The following TRPV1 variants were observed in gnomAD, a reference collection of about 807,000 sequenced individuals.
TRPV1 encodes OTRPC1.
TRPV1 carries 82 observed loss-of-function variants against 82.3 expected under a neutral mutation model. That is an observed-to-expected ratio of 1.00 (90% CI 0.83 to 1.20). The LOEUF (loss-of-function observed/expected upper bound fraction) is 1.20, where lower values mean the gene tolerates loss of function less well. Ranked by LOEUF, TRPV1 falls within the 50% of genes most tolerant of loss-of-function variation. TRPV1 has a pLI of 0.00. For missense variants in TRPV1, 1,067 were observed against 1,096.8 expected (o/e 0.97, Z 0.38); for synonymous variants, 515 against 467.7 (o/e 1.10, Z -1.30).
At chr17:3,594,286 C>T (rs963992873) in intron 2 of TRPV1, among the ~76,000 whole-genome samples, 1 of 151,616 alleles carries the variant, frequency 6.6e-6, no homozygotes, top group African/African-American at 2.4e-5. Flanking sequence ...GGAAAACAGC[C>T]GCAGAAGAAA....
intron 11 of TRPV1, 27 bp downstream of exon 11, chr17:3,580,430 C>A (rs1456269517): frequency 3.1e-6 from 5 of 1,613,202 alleles, no homozygotes; most frequent in Non-Finnish European, 3.4e-6. Context: ...GGGGACTGGA[C>A]TGGGAATGAG....
Position 3,573,666 on chromosome 17 carries a change from GATCTTGTTGAC to G in TRPV1, c.2059_2069del (p.Val687ArgfsTer25). The G allele has an allele frequency of 6.2e-7, 1 of 1,613,848 alleles. No homozygotes were observed. Among genetic ancestry groups the G allele is most frequent in the Non-Finnish European group, 8.5e-7 (1 of 1,179,964 alleles). ...TCCAGATGTTCTTGCTCTCCTGTGC[GATCTTGTTGAC>G]AGTCTCACCCATGAGGGCGATGAGC... is the stretch of plus-strand genomic sequence containing the variant. On this transcript the variant is annotated frameshift_variant, in exon 14 of 17. Coordinates refer to ENST00000572705, the MANE Select transcript of TRPV1 (RefSeq NM_080704.4). LOFTEE classifies it high-confidence loss of function.
At chr17:3,572,508 T>A (rs2074868451) in intron 14 of TRPV1, among the ~76,000 whole-genome samples, 2 of 151,560 alleles carry the variant, frequency 1.3e-5, no homozygotes, top group Admixed American at 1.3e-4. Context: ...GCCCCGGGAG[T>A]GATACGGAGG....
intron 2 of TRPV1, among the ~76,000 whole-genome samples, chr17:3,603,009 T>A (rs187022577): frequency 3.3e-5 from 5 of 152,058 alleles, no homozygotes; most frequent in Admixed American, 3.3e-4. Context: ...TAATCCCAGC[T>A]ACTCGGGAGG....
At chr17:3,598,208 G>A (rs1392520063) in intron 2 of TRPV1, among the ~76,000 whole-genome samples, 1 of 152,206 alleles carries the variant, frequency 6.6e-6, no homozygotes, top group Non-Finnish European at 1.5e-5. Flanking sequence ...CCAACAAGCC[G>A]TAGGGCAGGT....
intron 10 of TRPV1, among the ~76,000 whole-genome samples, chr17:3,582,416 A>C (rs2075032786): frequency 6.6e-6 from 1 of 151,704 alleles, no homozygotes; most frequent in Non-Finnish European, 1.5e-5. Flanking sequence ...CAGAGTCAAA[A>C]AAAACAAAAA....
At chr17:3,572,052 G>A (rs1281885557) in intron 15 of TRPV1, 70 bp downstream of exon 15, 1 of 1,568,700 alleles carries the variant, frequency 6.4e-7, no homozygotes, top group Non-Finnish European at 8.7e-7. Flanking sequence ...GAGGCCCTGA[G>A]GCAGGCTCTG....
At chr17:3,573,537 C>CG (rs2074887601) in intron 14 of TRPV1, 96 bp downstream of exon 14, 1 of 140,452 alleles carries the variant, frequency 7.1e-6, no homozygotes, top group Admixed American at 7.4e-5. Flanking sequence ...ACACCGCCCC[C>CG]ACCACCCACC....
chr17:3,588,683 G>A (rs1038367351), intron 7 of TRPV1, among the ~76,000 whole-genome samples: 11 of 151,990 alleles, frequency 7.2e-5, no homozygotes, highest in Admixed American at 2.0e-4. Flanking sequence ...GCATGGTGGC[G>A]TGTTCCTGTA....
At chr17:3,594,130 A>G in intron 2 of TRPV1, among the ~76,000 whole-genome samples, 1 of 115,542 alleles carries the variant, frequency 8.7e-6, no homozygotes, top group East Asian at 2.1e-4. Context: ...TCTGTCTCAA[A>G]AAAAAAAAAA....
At chr17:3,581,912 C>T (rs1354040552) in intron 10 of TRPV1, among the ~76,000 whole-genome samples, 6 of 127,596 alleles carry the variant, frequency 4.7e-5, no homozygotes, top group South Asian at 2.6e-4. Context: ...ACAATGGGGC[C>T]AGGCACAGTG....
At position 3,576,980 on chromosome 17, in the gene TRPV1, C is replaced by T. The variant is rs571970909; in HGVS notation, c.1780+146G>A. On this transcript the variant is annotated intron_variant, in intron 13 of 16. Transcript: ENST00000572705. Reference sequence around the variant, plus strand: ...CGTGGCCAAGTCCTGGAGCTCATTTCAGTGTGTCCTCTGTCCACCCTCTCA... The same window carrying T: ...CGTGGCCAAGTCCTGGAGCTCATTTTAGTGTGTCCTCTGTCCACCCTCTCA... The T allele has an allele frequency of 3.7e-4, 274 of 735,598 alleles. 3 individuals are homozygous for T. The African/African-American group carries it at 4.4e-3, about 12-fold the overall frequency. The allele number at this position is 735,598 out of a possible 1,614,324, so 45.6% of individuals were successfully genotyped here. A position where few individuals can be genotyped will look rare whatever the true frequency, so the allele number is the denominator to read the frequency against.
chr17:3,577,146 A>G lies in TRPV1; in HGVS notation c.1760T>C (p.Phe587Ser), dbSNP rs1328318665. Residue 587 changes from phenylalanine (F) to serine (S), a missense_variant, in exon 13 of 17, where the codon TTC becomes TCC. Transcript: ENST00000572705. ...LCRFMFVYIVFLFGFSTAVVT... is the reference protein window; with the variant it reads ...LCRFMFVYIVSLFGFSTAVVT... The stretch of plus-strand genomic sequence containing the variant: ...ATTACCTGTGGAAAACCCGAACAAG[A>G]AGACGATGTAGACAAACATGAAACG... 2 of 1,588,922 alleles carry G rather than the reference A, an allele frequency of 1.3e-6. No homozygotes were observed. Among genetic ancestry groups the G allele is most frequent in the Non-Finnish European group, 1.7e-6 (2 of 1,168,154 alleles).
intron 2 of TRPV1, among the ~76,000 whole-genome samples, chr17:3,598,365 C>T (rs927239361): frequency 4.7e-4 from 72 of 152,138 alleles, no homozygotes; most frequent in African/African-American, 1.7e-3. Flanking sequence ...TTCCCAAACC[C>T]GCTCTCGCAG....
chr17:3,589,243 G>A (rs1217882634), intron 7 of TRPV1, among the ~76,000 whole-genome samples: 10 of 133,540 alleles, frequency 7.5e-5, no homozygotes, highest in Non-Finnish European at 4.6e-5. Flanking sequence ...GTCTTGCTCT[G>A]TCACACAGGC....
Position 3,591,361 on chromosome 17 carries a change from C to A in TRPV1, c.285-8G>T. ...GAGTCCTGGGACAGCAGCCTGTGGG[C>A]CAGAAAACACGCTCGTCTCATACCC... On this transcript the variant is annotated splice_region_variant and splice_polypyrimidine_tract_variant and intron_variant, in intron 3 of 16. Coordinates refer to ENST00000572705, the MANE Select transcript of TRPV1 (RefSeq NM_080704.4). The A allele has an allele frequency of 6.4e-7, 1 of 1,561,206 alleles. No homozygotes were observed. The highest frequency in any genetic ancestry group is 2.0e-5 in the Admixed American group (1 of 50,134).
intron 2 of TRPV1, among the ~76,000 whole-genome samples, chr17:3,593,081 CGTGT>C (rs57419633): frequency 3.5e-4 from 40 of 112,902 alleles, no homozygotes; most frequent in Non-Finnish European, 4.2e-4. Context: ...AATGTTTAGG[CGTGT>C]GTGTGTGTGT....
intron 2 of TRPV1, among the ~76,000 whole-genome samples, chr17:3,597,672 CTTTTT>C (rs34662119): frequency 8.5e-6 from 1 of 117,892 alleles, no homozygotes; most frequent in African/African-American, 3.5e-5. Context: ...GTGTCATTTC[CTTTTT>C]TTTTTTTTTT....
At chr17:3,572,984 G>GAA (rs137909617) in intron 14 of TRPV1, among the ~76,000 whole-genome samples, 5 of 71,262 alleles carry the variant, frequency 7.0e-5, no homozygotes, top group African/African-American at 2.7e-4. Flanking sequence ...CTCCATCTCA[G>GAA]AAAAAAAAAA....
Sources: gnomAD v4.1 joint callset for allele counts (sites outside exome capture counted in the v4.1 genomes callset) on GRCh38, gnomAD v4.1.1 for gene constraint, MANE v1.5 for transcripts, NCBI Gene and HGNC (gene_info 2026-07-23, HGNC 2026-07-21) for gene names.